The following GPHN variants were observed in gnomAD, a reference collection of about 807,000 sequenced individuals.
GPHN encodes gephyrin.
A neutral mutation model predicts 95.5 loss-of-function variants in GPHN; 17 were observed. The observed-to-expected ratio is 0.18, with a 90% CI of 0.12 to 0.27. The LOEUF (loss-of-function observed/expected upper bound fraction) is 0.27. GPHN is among the 10% of genes least tolerant of loss of function. The pLI, the probability that GPHN is intolerant of heterozygous loss-of-function variation, is 1.00. For synonymous variants in GPHN, 320 were observed against 322.5 expected (o/e 0.99, Z 0.08); for missense variants, 660 against 978.1 (o/e 0.67, Z 4.34).
chr14:66,723,816 C>T lies in GPHN; in HGVS notation c.143+42631C>T, dbSNP rs147524467. On this transcript the variant is annotated intron_variant, in intron 2 of 22. Coordinates refer to ENST00000478722, the MANE Select transcript of GPHN (RefSeq NM_020806.5). The stretch of plus-strand genomic sequence containing the variant: ...CAGTTTTATTTACCAAAGATTATCC[C>T]AGATCACATGAACCTAAAATAATTA... Among the ~76,000 whole-genome samples, 686 of 152,176 alleles carry T rather than the reference C, an allele frequency of 4.5e-3. 2 individuals are homozygous for T. The highest frequency in any genetic ancestry group is 7.5e-3 in the Non-Finnish European group (509 of 68,016).
intron 10 of GPHN, among the ~76,000 whole-genome samples, chr14:67,037,775 AC>A (rs2074494494): frequency 6.7e-6 from 1 of 149,548 alleles, no homozygotes; most frequent in African/African-American, 2.4e-5. Flanking sequence ...TAGGATGACT[AC>A]TAAAAAAAAA....
chr14:66,945,530 C>G (rs2067697972), intron 8 of GPHN, among the ~76,000 whole-genome samples: 1 of 152,166 alleles, frequency 6.6e-6, no homozygotes, highest in South Asian at 2.1e-4. Flanking sequence ...ACAATGTACA[C>G]TGCTCAGGTG....
intron 16 of GPHN, among the ~76,000 whole-genome samples, chr14:67,115,666 C>G (rs1334507388): frequency 1.3e-5 from 2 of 151,262 alleles, no homozygotes; most frequent in Admixed American, 6.6e-5. Flanking sequence ...ACCCGGGAGG[C>G]GGAGGTTGCA....
the GPHN span, among the ~76,000 whole-genome samples, chr14:67,409,771 C>G: frequency 2.6e-5 from 4 of 152,314 alleles, no homozygotes; most frequent in South Asian, 6.2e-4. Flanking sequence ...AGGCCCTGCC[C>G]CACCTCTGAG....
the GPHN span, among the ~76,000 whole-genome samples, chr14:67,362,988 C>G: frequency 1.3e-5 from 2 of 152,072 alleles, no homozygotes; most frequent in Non-Finnish European, 2.9e-5. Flanking sequence ...ACATGATTGC[C>G]CATGTTTTTT....
intron 1 of GPHN, among the ~76,000 whole-genome samples, chr14:66,549,474 G>A (rs2059735850): frequency 6.6e-6 from 1 of 152,172 alleles, no homozygotes; most frequent in Non-Finnish European, 1.5e-5. Flanking sequence ...TATGGAAATT[G>A]CAGGAGAAAC....
chr14:66,649,792 G>T (rs141629483), intron 1 of GPHN, among the ~76,000 whole-genome samples: 1 of 152,142 alleles, frequency 6.6e-6, no homozygotes, highest in Non-Finnish European at 1.5e-5. Context: ...TGCATCTGAC[G>T]TCAAGCTTTA....
chr14:67,475,490 A>G, the GPHN span, among the ~76,000 whole-genome samples: 4 of 152,128 alleles, frequency 2.6e-5, no homozygotes, highest in Non-Finnish European at 4.4e-5. Context: ...TGGCCACACC[A>G]TTTTACATTC....
chr14:66,902,638 T>C (rs1276898540), intron 5 of GPHN, among the ~76,000 whole-genome samples: 3 of 152,136 alleles, frequency 2.0e-5, no homozygotes, highest in African/African-American at 7.2e-5. Flanking sequence ...AGGGTCTTTA[T>C]TCTTGGTTCT....
chr14:67,353,501 T>G, the GPHN span, among the ~76,000 whole-genome samples: 3 of 152,042 alleles, frequency 2.0e-5, no homozygotes, highest in African/African-American at 4.8e-5. Context: ...GTTGTTGTTG[T>G]TTTTGAGATG....
intron 3 of GPHN, among the ~76,000 whole-genome samples, chr14:66,782,354 T>C (rs2059633943): frequency 6.6e-6 from 1 of 152,218 alleles, no homozygotes. Flanking sequence ...GTTGTTTTTC[T>C]TTTTTATTTT....
At chr14:67,565,924 A>G in the GPHN span, among the ~76,000 whole-genome samples, 6 of 152,174 alleles carry the variant, frequency 3.9e-5, no homozygotes, top group Non-Finnish European at 8.8e-5. Context: ...GTTCGAGACC[A>G]GCCTGGCCAA....
At chr14:67,468,913 T>G in the GPHN span, among the ~76,000 whole-genome samples, 3 of 150,692 alleles carry the variant, frequency 2.0e-5, no homozygotes, top group Non-Finnish European at 1.5e-5. Context: ...TAATAATAAT[T>G]TTTTTTAAAA....
chr14:66,875,552 A>G (rs2063617538), intron 4 of GPHN, among the ~76,000 whole-genome samples: 1 of 152,202 alleles, frequency 6.6e-6, no homozygotes, highest in Non-Finnish European at 1.5e-5. Context: ...AAATAAAGGG[A>G]TGGAGGAATA....
Position 67,112,915 on chromosome 14 carries a change from T to C in GPHN, c.1473-103T>C, listed in dbSNP as rs555860607. On this transcript the variant is annotated intron_variant, in intron 15 of 22. Coordinates refer to ENST00000478722, the MANE Select transcript of GPHN (RefSeq NM_020806.5). ...TTCCTACTACTTTATTTCTAGACTT[T>C]TTTGTCTTCTTGAATGTCCTTTTTT... is the stretch of plus-strand genomic sequence containing the variant. 3.0e-6 allele frequency: 3 copies of C among 985,912 alleles called. No homozygotes were observed. In the East Asian group the frequency reaches 7.3e-5, roughly 24 times the overall value. The allele number at this position is 985,912 out of a possible 1,614,324, so 61.1% of individuals were successfully genotyped here. A position where few individuals can be genotyped will look rare whatever the true frequency, so the allele number is the denominator to read the frequency against.
intron 1 of GPHN, among the ~76,000 whole-genome samples, chr14:66,545,187 A>G (rs1215480814): frequency 9.8e-3 from 622 of 63,744 alleles, no homozygotes; most frequent in Middle Eastern, 0.083. Context: ...TCCCGGACGG[A>G]GCGGCTGGCC....
chr14:67,272,648 T>A, the GPHN span, among the ~76,000 whole-genome samples: 6 of 152,150 alleles, frequency 3.9e-5, no homozygotes, highest in African/African-American at 1.4e-4. Context: ...TTCTACTGAT[T>A]CTGTAACCTA....
chr14:66,887,553 G>A (rs1017126482), intron 5 of GPHN, among the ~76,000 whole-genome samples: 5 of 152,076 alleles, frequency 3.3e-5, no homozygotes, highest in Non-Finnish European at 7.4e-5. Flanking sequence ...CCAGCCTGGC[G>A]ACAGAGCGAG....
intron 11 of GPHN, among the ~76,000 whole-genome samples, chr14:67,066,996 G>A (rs539386957): frequency 2.0e-3 from 298 of 152,282 alleles, no homozygotes; most frequent in African/African-American, 6.7e-3. Flanking sequence ...GCGATCCTTT[G>A]GAGGAGAAAA....
Sources: gnomAD v4.1 joint callset for allele counts (sites outside exome capture counted in the v4.1 genomes callset) on GRCh38, gnomAD v4.1.1 for gene constraint, MANE v1.5 for transcripts, NCBI Gene and HGNC (gene_info 2026-07-23, HGNC 2026-07-21) for gene names.